The following NIPAL2 variants were observed in gnomAD, a reference collection of about 807,000 sequenced individuals.
NIPAL2 encodes the protein NIPA-like protein 2.
Under a neutral mutation model 48.9 loss-of-function variants are expected in NIPAL2, and 43 were observed. The ratio of observed to expected loss-of-function variants is 0.88; its 90% confidence interval spans 0.69 to 1.13. The LOEUF (loss-of-function observed/expected upper bound fraction) is 1.13. NIPAL2 is among the 50% of genes most tolerant of loss of function. NIPAL2 has a pLI of 0.00. For missense variants in NIPAL2, 446 were observed against 461.4 expected (o/e 0.97, Z 0.31); for synonymous variants, 167 against 174.6 (o/e 0.96, Z 0.34).
At chr8:98,289,275 C>G (rs1196897113) in intron 1 of NIPAL2, among the ~76,000 whole-genome samples, 1 of 152,042 alleles carries the variant, frequency 6.6e-6, no homozygotes, top group Admixed American at 6.6e-5. Context: ...TTCCCATAGC[C>G]TGGATTCAGC....
chr8:98,254,165 T>A, intron 1 of NIPAL2, 78 bp from the exon 2 acceptor site: 2 of 1,172,878 alleles, frequency 1.7e-6, no homozygotes, highest in Non-Finnish European at 2.5e-6. Flanking sequence ...TAGGTGTTCA[T>A]TCATTTGTTC....
chr8:98,191,061 C>T lies in NIPAL2; in HGVS notation c.*1917G>A, dbSNP rs1293400279. On this transcript the variant is annotated 3_prime_UTR_variant, in exon 11 of 11. Coordinates refer to ENST00000430223, the MANE Select transcript of NIPAL2 (RefSeq NM_001321635.2). The stretch of plus-strand genomic sequence containing the variant: ...GTTGATTGCTTAAATGTGCATAAGT[C>T]AATGTCATTTCTCAAAACGTTTAAT... 6.6e-6 allele frequency: 1 copy of T among 152,182 alleles called. No homozygotes were observed. The highest frequency in any genetic ancestry group is 6.5e-5 in the Admixed American group (1 of 15,274). The allele number at this position is 152,182 out of a possible 1,614,324, so 9.4% of individuals were successfully genotyped here. A position where few individuals can be genotyped will look rare whatever the true frequency, so the allele number is the denominator to read the frequency against.
intron 4 of NIPAL2, among the ~76,000 whole-genome samples, chr8:98,229,007 G>T (rs1400581079): frequency 6.6e-6 from 1 of 152,204 alleles, no homozygotes; most frequent in Non-Finnish European, 1.5e-5. Context: ...AGTGCATAGA[G>T]TCCCAAGATC....
At chr8:98,256,416 A>G (rs1239186959) in intron 1 of NIPAL2, among the ~76,000 whole-genome samples, 1 of 152,186 alleles carries the variant, frequency 6.6e-6, no homozygotes, top group Non-Finnish European at 1.5e-5. Flanking sequence ...ATATATCTGG[A>G]TTGAGATCCA....
intron 6 of NIPAL2, among the ~76,000 whole-genome samples, chr8:98,206,776 CAA>C (rs11290720): frequency 7.0e-4 from 70 of 99,550 alleles, no homozygotes; most frequent in South Asian, 9.4e-4. Context: ...GACTCTGTCT[CAA>C]AAAAAAAAAA....
At chr8:98,212,902 A>ACAAACCC (rs1811392930) in intron 5 of NIPAL2, among the ~76,000 whole-genome samples, 1 of 152,110 alleles carries the variant, frequency 6.6e-6, no homozygotes, top group South Asian at 2.1e-4. Context: ...TCCGTGTTGC[A>ACAAACCC]CAAACCCCAA....
At chr8:98,222,352 C>T in intron 5 of NIPAL2, 127 bp downstream of exon 5, 1 of 1,030,252 alleles carries the variant, frequency 9.7e-7, no homozygotes. Context: ...TGGTATTGGT[C>T]AAATACATTT....
At chr8:98,235,636 C>T (rs1265662841) in intron 4 of NIPAL2, among the ~76,000 whole-genome samples, 3 of 151,190 alleles carry the variant, frequency 2.0e-5, no homozygotes, top group African/African-American at 4.9e-5. Context: ...AATTTTATAA[C>T]ATTAATATTA....
chr8:98,222,478 C>A lies in NIPAL2; in HGVS notation c.558+1G>T. The stretch of plus-strand genomic sequence containing the variant: ...GATAGTAAAATATTTAGAATTCTTA[C>A]CACATAGATCAGGAACTGCCATCCG... On this transcript the variant is annotated splice_donor_variant, in intron 5 of 10. Coordinates refer to ENST00000430223, the MANE Select transcript of NIPAL2 (RefSeq NM_001321635.2). LOFTEE classifies it high-confidence loss of function. The A allele has an allele frequency of 6.2e-7, 1 of 1,612,556 alleles. No individual in the cohort carries two copies. Among genetic ancestry groups the A allele is most frequent in the Non-Finnish European group, 8.5e-7 (1 of 1,179,570 alleles).
intron 3 of NIPAL2, among the ~76,000 whole-genome samples, chr8:98,239,488 CA>C (rs1048744569): frequency 6.6e-6 from 1 of 151,880 alleles, no homozygotes; most frequent in African/African-American, 2.4e-5. Flanking sequence ...TTGCTAAAAG[CA>C]AAAAGGACAT....
chr8:98,247,494 C>T (rs1586395404), intron 3 of NIPAL2, among the ~76,000 whole-genome samples: 2 of 152,268 alleles, frequency 1.3e-5, no homozygotes, highest in South Asian at 2.1e-4. Flanking sequence ...TTTTGCAATG[C>T]AGAGAGTCTC....
chr8:98,251,002 C>A (rs573962241), intron 3 of NIPAL2, among the ~76,000 whole-genome samples: 1 of 152,134 alleles, frequency 6.6e-6, no homozygotes, highest in African/African-American at 2.4e-5. Flanking sequence ...ACAATATTTC[C>A]CCTTTGTTTG....
At chr8:98,235,268 C>T (rs550694550) in intron 4 of NIPAL2, among the ~76,000 whole-genome samples, 23 of 152,158 alleles carry the variant, frequency 1.5e-4, no homozygotes, top group Admixed American at 5.9e-4. Context: ...GATTTTGTCA[C>T]GGAAGAAAAT....
chr8:98,274,819 G>A (rs749147916), intron 1 of NIPAL2, among the ~76,000 whole-genome samples: 5 of 151,992 alleles, frequency 3.3e-5, no homozygotes, highest in Admixed American at 6.6e-5. Flanking sequence ...GTCTGTATTT[G>A]TAGTTATCTT....
chr8:98,216,138 T>G (rs1173851460), intron 5 of NIPAL2, among the ~76,000 whole-genome samples: 2 of 152,212 alleles, frequency 1.3e-5, no homozygotes, highest in African/African-American at 4.8e-5. Context: ...TAAGGCCATG[T>G]TTGGACAAAG....
At chr8:98,229,540 T>G (rs1443417641) in intron 4 of NIPAL2, among the ~76,000 whole-genome samples, 1 of 152,202 alleles carries the variant, frequency 6.6e-6, no homozygotes, top group Non-Finnish European at 1.5e-5. Flanking sequence ...GACTGGCTAA[T>G]TTTTTAATTT....
intron 1 of NIPAL2, among the ~76,000 whole-genome samples, chr8:98,276,914 T>C (rs909000604): frequency 2.6e-5 from 4 of 152,032 alleles, no homozygotes; most frequent in African/African-American, 9.7e-5. Context: ...CTGGAACTAG[T>C]GCATGCCACC....
chr8:98,238,685 T>A (rs1221413783), intron 3 of NIPAL2, among the ~76,000 whole-genome samples: 61 of 152,230 alleles, frequency 4.0e-4, no homozygotes, highest in Non-Finnish European at 7.5e-4. Context: ...CCGGGCAGGT[T>A]ACTTACAGGA....
At chr8:98,193,303 A>G in intron 10 of NIPAL2, 1 of 1,496,784 alleles carries the variant, frequency 6.7e-7, no homozygotes, top group Non-Finnish European at 9.3e-7. Context: ...CAGAGCCACT[A>G]TCCCCACCCC....
Sources: allele counts gnomAD v4.1 joint callset (sites outside exome capture counted in the v4.1 genomes callset), GRCh38; gene constraint gnomAD v4.1.1; transcripts MANE v1.5; gene names NCBI Gene and HGNC (gene_info 2026-07-23, HGNC 2026-07-21).